FRYL: variants seen among roughly 807,000 people sequenced by gnomAD.
FRYL encodes protein furry homolog-like.
Under a neutral mutation model 351.2 loss-of-function variants are expected in FRYL, and 150 were observed. That is an observed-to-expected ratio of 0.43 (90% CI 0.37 to 0.49). FRYL has a LOEUF of 0.49. Ranked by LOEUF, FRYL falls within the 20% of genes least tolerant of loss-of-function variation. The pLI, the probability that FRYL is intolerant of heterozygous loss-of-function variation, is 0.00. For missense variants in FRYL, 3,036 were observed against 3,619.3 expected, an observed-to-expected ratio of 0.84 and a Z score of 4.13; for synonymous variants, 1,153 against 1,257.1, an observed-to-expected ratio of 0.92 and a Z score of 1.75.
Position 48,539,940 on chromosome 4 carries a change from A to C in FRYL, c.6393+31T>G, listed in dbSNP as rs1251386911. On this transcript the variant is annotated intron_variant, in intron 47 of 63. Transcript: ENST00000358350. ...ATAGACTACAAAATAATTTCCCTATAGTGTTACCTTTCAGCATAACATTTG... is the reference window on the plus strand; with the variant it reads ...ATAGACTACAAAATAATTTCCCTATCGTGTTACCTTTCAGCATAACATTTG... 2.7e-6 allele frequency: 4 copies of C among 1,464,948 alleles called. No homozygotes were observed. The Admixed American group carries it at 5.1e-5, about 19-fold the overall frequency. The allele number at this position is 1,464,948 out of a possible 1,614,324, so 90.7% of individuals were successfully genotyped here.
chr4:48,562,115 G>A (rs572540202), intron 32 of FRYL, among the ~76,000 whole-genome samples: 2 of 151,968 alleles, frequency 1.3e-5, no homozygotes, highest in Non-Finnish European at 2.9e-5. Context: ...AACACAGTCT[G>A]AAAATAACTC....
chr4:48,580,841 G>T, intron 22 of FRYL, 24 bp downstream of exon 22: 1 of 1,472,796 alleles, frequency 6.8e-7, no homozygotes, highest in Non-Finnish European at 9.5e-7. Flanking sequence ...ACAAGATTGG[G>T]TAGAATGAAG....
chr4:48,501,217 G>T (rs545439102), intron 62 of FRYL, among the ~76,000 whole-genome samples: 2 of 152,118 alleles, frequency 1.3e-5, no homozygotes, highest in Non-Finnish European at 1.5e-5. Context: ...CTGAGACAGG[G>T]TCTTGCTCTG....
Position 48,646,752 on chromosome 4 carries a change from G to A in FRYL, c.-80-12262C>T, listed in dbSNP as rs567547446. Reference sequence around the variant, plus strand: ...TTTAAAATATTAAGCAGTCAGTACAGAGGGGCTATCAGAAGAGCTACAGCC... The same window carrying A: ...TTTAAAATATTAAGCAGTCAGTACAAAGGGGCTATCAGAAGAGCTACAGCC... On this transcript the variant is annotated intron_variant, in intron 3 of 63. Coordinates refer to ENST00000358350, the MANE Select transcript of FRYL (RefSeq NM_015030.2). Among the ~76,000 whole-genome samples the A allele has an allele frequency of 2.5e-4, 38 of 152,300 alleles. No homozygotes were observed. The South Asian group carries it at 3.1e-3, about 12-fold the overall frequency.
intron 4 of FRYL, among the ~76,000 whole-genome samples, chr4:48,632,979 C>T (rs1239098883): frequency 6.6e-6 from 1 of 152,166 alleles, no homozygotes; most frequent in Non-Finnish European, 1.5e-5. Context: ...TGCCTAACTC[C>T]TCAGTGCGCC....
intron 1 of FRYL, among the ~76,000 whole-genome samples, chr4:48,726,026 G>C (rs956274956): frequency 1.3e-5 from 2 of 152,088 alleles, no homozygotes; most frequent in African/African-American, 4.8e-5. Flanking sequence ...CAAATACAGA[G>C]GACTGGTGAA....
intron 1 of FRYL, among the ~76,000 whole-genome samples, chr4:48,748,159 T>C (rs1282728776): frequency 2.6e-5 from 4 of 152,076 alleles, no homozygotes; most frequent in Middle Eastern, 6.8e-3. Flanking sequence ...GGCAGGGGGA[T>C]CATTTGAACC....
At chr4:48,520,367 T>G (rs1377396355) in intron 55 of FRYL, among the ~76,000 whole-genome samples, 2 of 152,162 alleles carry the variant, frequency 1.3e-5, no homozygotes, top group African/African-American at 4.8e-5. Context: ...ATCTGATACC[T>G]AGATTAGATC....
intron 1 of FRYL, among the ~76,000 whole-genome samples, chr4:48,737,857 A>T (rs1289766886): frequency 1.3e-5 from 2 of 152,208 alleles, no homozygotes; most frequent in Non-Finnish European, 2.9e-5. Flanking sequence ...ACAGGCTAAT[A>T]AGTCATGTGA....
rs1719071334 is a variant in FRYL at position 48,499,523 on chromosome 4, C to T, written c.8941G>A (p.Glu2981Lys). 6.2e-7 allele frequency: 1 copy of T among 1,613,944 alleles called. No individual in the cohort carries two copies. Among genetic ancestry groups the T allele is most frequent in the Non-Finnish European group, 8.5e-7 (1 of 1,179,966 alleles). The stretch of plus-strand genomic sequence containing the variant: ...GACTCTCTTATTTCCAGATTAAGTT[C>T]CATCAGTTTGTAGTTGGCTTCTGAC... ...DMSEANYKLM[E>K]LNLEIRESLR... The change falls in exon 64 of 64, where the codon GAA becomes AAA. Residue 2981 changes from glutamate (E) to lysine (K), a missense_variant. Transcript: ENST00000358350.
At chr4:48,602,283 G>C (rs1745871905) in intron 12 of FRYL, among the ~76,000 whole-genome samples, 162 bp from the exon 13 acceptor site, 1 of 152,104 alleles carries the variant, frequency 6.6e-6, no homozygotes, top group Non-Finnish European at 1.5e-5. Context: ...ATCTAACACA[G>C]AAAGATAAAG....
chr4:48,548,807 G>A lies in FRYL; in HGVS notation c.4785-14C>T, dbSNP rs749891600. The stretch of plus-strand genomic sequence containing the variant: ...GCTATGTTACACCTATGACAAATAA[G>A]AGTTTCATTAACGTTTTACTAGATC... On this transcript the variant is annotated splice_polypyrimidine_tract_variant and intron_variant, in intron 39 of 63. Coordinates refer to ENST00000358350, the MANE Select transcript of FRYL (RefSeq NM_015030.2). 2.9e-5 allele frequency: 42 copies of A among 1,470,986 alleles called. No homozygotes were observed. The highest frequency in any genetic ancestry group is 3.8e-5 in the Non-Finnish European group (41 of 1,065,712). 91.1% of individuals were successfully genotyped at this position (1,470,986 alleles called of 1,614,324 possible).
At chr4:48,720,711 C>G (rs1024110401) in intron 1 of FRYL, among the ~76,000 whole-genome samples, 9 of 152,172 alleles carry the variant, frequency 5.9e-5, no homozygotes, top group Non-Finnish European at 1.0e-4. Context: ...CCTGACTACT[C>G]TAGGTACCTT....
chr4:48,698,955 A>G (rs968843244), intron 2 of FRYL, among the ~76,000 whole-genome samples: 6 of 152,174 alleles, frequency 3.9e-5, no homozygotes, highest in Non-Finnish European at 7.4e-5. Flanking sequence ...ACCCATAACA[A>G]CAGCAGCAAC....
In FRYL at chr4:48,694,545, C is replaced by T. The variant is rs189937772; in HGVS notation, c.-203-9750G>A. Among the ~76,000 whole-genome samples, 29 of 152,226 alleles carry T rather than the reference C, an allele frequency of 1.9e-4. No homozygotes were observed. The East Asian group carries it at 5.4e-3, about 28-fold the overall frequency. On this transcript the variant is annotated intron_variant, in intron 2 of 63. Transcript: ENST00000358350. ...CTCCTGACCTCAGGTGATCCACTTG[C>T]CTCGGCCTCCCAAAGTGCTGGGATT...
chr4:48,525,632 T>C (rs914855321), intron 53 of FRYL, among the ~76,000 whole-genome samples: 1 of 152,230 alleles, frequency 6.6e-6, no homozygotes, highest in African/African-American at 2.4e-5. Flanking sequence ...TATATGTATA[T>C]GTACATGAGA....
intron 1 of FRYL, among the ~76,000 whole-genome samples, chr4:48,741,997 C>T (rs960156280): frequency 4.6e-5 from 7 of 152,064 alleles, no homozygotes; most frequent in Admixed American, 1.3e-4. Flanking sequence ...AAGAGTGAGC[C>T]CTAATGTAAA....
chr4:48,589,659 C>A, intron 18 of FRYL, 86 bp downstream of exon 18: 1 of 1,279,922 alleles, frequency 7.8e-7, no homozygotes, highest in Non-Finnish European at 1.1e-6. Context: ...CTCCAAAGAC[C>A]AAGTAAGGAG....
At chr4:48,574,392 C>T (rs533990741) in intron 25 of FRYL, 96 of 152,188 alleles carry the variant, frequency 6.3e-4, no homozygotes, top group African/African-American at 2.3e-3. Flanking sequence ...ATAAGAAATG[C>T]TATCCCATAC....
Sources: gnomAD v4.1 joint callset for allele counts (sites outside exome capture counted in the v4.1 genomes callset) on GRCh38, gnomAD v4.1.1 for gene constraint, MANE v1.5 for transcripts, NCBI Gene and HGNC (gene_info 2026-07-23, HGNC 2026-07-21) for gene names.